ABTB3: variants seen among roughly 807,000 people sequenced by gnomAD.
ABTB3 encodes ankyrin repeat- and BTB/POZ domain-containing protein 3.
At chr12:107,415,639 C>A in the ABTB3 span, among the ~76,000 whole-genome samples, 1 of 151,548 alleles carries the variant, frequency 6.6e-6, no homozygotes, top group African/African-American at 2.4e-5. Flanking sequence ...ACCCAGGAGG[C>A]AGAGTTTGCA....
At chr12:107,562,218 G>T in the ABTB3 span, among the ~76,000 whole-genome samples, 3 of 152,060 alleles carry the variant, frequency 2.0e-5, no homozygotes. Context: ...TCTACCAAAG[G>T]AGACAAAAAA....
At chr12:107,500,812 C>A in the ABTB3 span, among the ~76,000 whole-genome samples, 1 of 152,168 alleles carries the variant, frequency 6.6e-6, no homozygotes, top group Non-Finnish European at 1.5e-5. Flanking sequence ...AGACTGCAGC[C>A]CAGCCTTGTT....
chr12:107,552,283 T>G, the ABTB3 span, among the ~76,000 whole-genome samples: 30 of 152,198 alleles, frequency 2.0e-4, no homozygotes, highest in East Asian at 4.6e-3. Flanking sequence ...GAAAGCCTCA[T>G]CCCCAGTCCC....
chr12:107,489,763 C>A, the ABTB3 span, among the ~76,000 whole-genome samples: 2 of 151,920 alleles, frequency 1.3e-5, no homozygotes, highest in East Asian at 3.9e-4. Flanking sequence ...TAAACATTGT[C>A]TTTTTTTGTT....
the ABTB3 span, among the ~76,000 whole-genome samples, chr12:107,508,443 T>TTTTTTTTTTG: frequency 1.3e-5 from 1 of 74,932 alleles, no homozygotes; most frequent in African/African-American, 5.9e-5. Context: ...CATTTCTTTT[T>TTTTTTTTTTG]TTTTTTTTTT....
At chr12:107,335,065 T>C in the ABTB3 span, among the ~76,000 whole-genome samples, 9 of 151,954 alleles carry the variant, frequency 5.9e-5, no homozygotes, top group African/African-American at 2.2e-4. Context: ...GTGGGAGGAT[T>C]GCTTGAGGCC....
At chr12:107,347,616 GT>G in the ABTB3 span, among the ~76,000 whole-genome samples, 1 of 152,116 alleles carries the variant, frequency 6.6e-6, no homozygotes, top group Non-Finnish European at 1.5e-5. Context: ...GGTAATGGCT[GT>G]TTTTACATGA....
the ABTB3 span, among the ~76,000 whole-genome samples, chr12:107,350,234 C>G: frequency 1.1e-4 from 17 of 152,072 alleles, no homozygotes; most frequent in African/African-American, 3.9e-4. Flanking sequence ...ATGGAATGTG[C>G]ATTTCTCAGA....
the ABTB3 span, among the ~76,000 whole-genome samples, chr12:107,569,880 A>G: frequency 8.7e-3 from 1,319 of 152,296 alleles, 14 homozygotes; most frequent in African/African-American, 0.03. Context: ...CTCTGCGTTT[A>G]TCAACAAGTG....
the ABTB3 span, among the ~76,000 whole-genome samples, chr12:107,333,967 T>C: frequency 5.9e-5 from 9 of 152,222 alleles, no homozygotes; most frequent in African/African-American, 1.7e-4. Flanking sequence ...TTGATCATGT[T>C]GGTATCTGGG....
At chr12:107,360,952 T>TTTTTTTG in the ABTB3 span, among the ~76,000 whole-genome samples, 13 of 146,432 alleles carry the variant, frequency 8.9e-5, no homozygotes, top group African/African-American at 3.3e-4. Flanking sequence ...TTTTTTTTTT[T>TTTTTTTG]GTAGAAACAG....
the ABTB3 span, among the ~76,000 whole-genome samples, chr12:107,376,056 G>A: frequency 1.6e-3 from 237 of 152,132 alleles, no homozygotes; most frequent in African/African-American, 5.3e-3. Context: ...TTGCCCTTGC[G>A]GTTCCTTCTA....
chr12:107,572,348 A>G, the ABTB3 span, among the ~76,000 whole-genome samples: 2 of 151,904 alleles, frequency 1.3e-5, no homozygotes, highest in African/African-American at 4.8e-5. Flanking sequence ...TCTGGCCTCC[A>G]GAGCTGTGAG....
chr12:107,645,892 T>TCCGTGTGCCCGCCCTTTC, the ABTB3 span, among the ~76,000 whole-genome samples: 1 of 152,228 alleles, frequency 6.6e-6, no homozygotes, highest in East Asian at 1.9e-4. Context: ...CGGGGACTTT[T>TCCGTGTGCCCGCCCTTTC]CCGTGTGCCC....
the ABTB3 span, among the ~76,000 whole-genome samples, chr12:107,647,210 G>T: frequency 1.3e-5 from 2 of 152,142 alleles, no homozygotes; most frequent in African/African-American, 4.8e-5. Context: ...CACACCTGTA[G>T]TCCCAGCTAC....
At chr12:107,457,705 C>A in the ABTB3 span, among the ~76,000 whole-genome samples, 2 of 152,234 alleles carry the variant, frequency 1.3e-5, no homozygotes, top group African/African-American at 4.8e-5. Flanking sequence ...TCACCCAGGG[C>A]CCTGGAGGCA....
At chr12:107,590,712 G>A in the ABTB3 span, among the ~76,000 whole-genome samples, 1 of 152,190 alleles carries the variant, frequency 6.6e-6, no homozygotes. Context: ...TAGCAACACA[G>A]GGAACTACAT....
the ABTB3 span, among the ~76,000 whole-genome samples, chr12:107,591,411 G>A: frequency 6.6e-6 from 1 of 152,226 alleles, no homozygotes; most frequent in East Asian, 1.9e-4. Context: ...GGAAGGGGAA[G>A]TAGGCTGGTC....
the ABTB3 span, among the ~76,000 whole-genome samples, chr12:107,434,918 A>G: frequency 2.0e-5 from 3 of 152,118 alleles, no homozygotes; most frequent in East Asian, 5.8e-4. Flanking sequence ...CGATAGGCAC[A>G]TGGAGGAGAC....
Sources: gnomAD v4.1 joint callset for allele counts (sites outside exome capture counted in the v4.1 genomes callset) on GRCh38, gnomAD v4.1.1 for gene constraint, MANE v1.5 for transcripts, NCBI Gene and HGNC (gene_info 2026-07-23, HGNC 2026-07-21) for gene names.